Variants in PARD3B observed in about 807,000 individuals in gnomAD.
PARD3B encodes the protein partitioning defective 3 homolog B.
In PARD3B, 103 loss-of-function variants were observed where a neutral mutation model predicts 130.2. The ratio of observed to expected loss-of-function variants is 0.79; its 90% CI spans 0.67 to 0.93. PARD3B has a LOEUF of 0.93. PARD3B is among the 40% of genes least tolerant of loss of function. The pLI, the probability that PARD3B is intolerant of heterozygous loss-of-function variation, is 0.00. For missense variants in PARD3B, 1,609 were observed against 1,499.2 expected (o/e 1.07, Z -1.21); for synonymous variants, 583 against 553.2 (o/e 1.05, Z -0.76).
At chr2:204,826,308 A>C (rs1379714589) in intron 2 of PARD3B, among the ~76,000 whole-genome samples, 1 of 152,158 alleles carries the variant, frequency 6.6e-6, no homozygotes, top group African/African-American at 2.4e-5. Flanking sequence ...TTTGGGACTT[A>C]ATACTCAGAG....
intron 22 of PARD3B, among the ~76,000 whole-genome samples, chr2:205,615,206 G>T (rs960812852): frequency 6.6e-6 from 1 of 152,182 alleles, no homozygotes; most frequent in Non-Finnish European, 1.5e-5. Flanking sequence ...CCTTCTTGTT[G>T]CTCTGCCTCC....
chr2:204,841,527 G>T (rs1022546898), intron 2 of PARD3B, among the ~76,000 whole-genome samples: 6 of 152,104 alleles, frequency 3.9e-5, no homozygotes, highest in Admixed American at 3.9e-4. Context: ...GGATGTTACT[G>T]TCAGTGCCTG....
rs537989758 is a variant in PARD3B, at chr2:205,281,225, G to A, written c.2186-19305G>A. Among the ~76,000 whole-genome samples the A allele has an allele frequency of 6.6e-6, 1 of 152,170 alleles. No homozygotes were observed. Among genetic ancestry groups the A allele is most frequent in the Non-Finnish European group, 1.5e-5 (1 of 68,030 alleles). ...GACAGGTGCAAGAAAGAAGGGGCAG[G>A]TCTAAAGACAAAAGGGTTGGGGATG... is the stretch of plus-strand genomic sequence containing the variant. On this transcript the variant is annotated intron_variant, in intron 16 of 22. Coordinates refer to ENST00000406610, the MANE Select transcript of PARD3B (RefSeq NM_001302769.2). The surrounding 1 kb of genome is among the most constrained non-coding windows in gnomAD (Gnocchi z 4.2).
At chr2:205,580,102 A>C (rs1332419184) in intron 22 of PARD3B, among the ~76,000 whole-genome samples, 1 of 152,208 alleles carries the variant, frequency 6.6e-6, no homozygotes, top group Non-Finnish European at 1.5e-5. Flanking sequence ...TACTGGAAGA[A>C]ATATTTCTTA....
intron 2 of PARD3B, among the ~76,000 whole-genome samples, chr2:204,894,711 G>A (rs1313085983): frequency 6.6e-6 from 1 of 152,070 alleles, no homozygotes. Flanking sequence ...CCTGGGCTGA[G>A]TTGTTGGTGT....
At chr2:205,431,865 C>T (rs1357011734) in intron 19 of PARD3B, among the ~76,000 whole-genome samples, 24 of 152,086 alleles carry the variant, frequency 1.6e-4, no homozygotes, top group Non-Finnish European at 2.9e-5. Flanking sequence ...CAACAGAATT[C>T]AATAATTCAA....
Position 205,553,370 on chromosome 2 carries a change from A to C in PARD3B, c.3227A>C (p.Glu1076Ala). Residue 1076 changes from glutamate to alanine, a missense_variant, in exon 22 of 23, where the codon GAA (glutamate) becomes GCA (alanine). Glu to Ala is a moderately radical substitution (Grantham distance 107). Transcript: ENST00000406610. Reference sequence around the variant, plus strand: ...GGGAATGCACACAACCTCCGCTTTGAAGGGATGGAGAGGCAGTACGCATCC... The same window carrying C: ...GGGAATGCACACAACCTCCGCTTTGCAGGGATGGAGAGGCAGTACGCATCC... The part of the protein sequence containing the change: ...PDGNAHNLRF[E>A]GMERQYASLP... The C allele has an allele frequency of 6.2e-7, 1 of 1,614,082 alleles. No individual in the cohort carries two copies. The highest frequency in any genetic ancestry group is 8.5e-7 in the Non-Finnish European group (1 of 1,179,956).
chr2:205,347,204 T>G (rs2043826010), intron 18 of PARD3B, among the ~76,000 whole-genome samples: 1 of 152,202 alleles, frequency 6.6e-6, no homozygotes, highest in Non-Finnish European at 1.5e-5. Flanking sequence ...AATCATTGGT[T>G]CAGAAATGAA....
intron 2 of PARD3B, among the ~76,000 whole-genome samples, chr2:204,845,807 T>A (rs904718721): frequency 1.3e-5 from 2 of 152,118 alleles, no homozygotes; most frequent in African/African-American, 4.8e-5. Context: ...TTAAAAGTCA[T>A]TTTTCCCTAA....
intron 1 of PARD3B, among the ~76,000 whole-genome samples, chr2:204,628,465 A>G (rs1574577452): frequency 6.6e-6 from 1 of 152,144 alleles, no homozygotes; most frequent in East Asian, 1.9e-4. Flanking sequence ...ACAGGAAAAT[A>G]GCTCTTTTCA....
chr2:205,452,497 A>T (rs77195962), intron 20 of PARD3B, among the ~76,000 whole-genome samples: 1 of 152,344 alleles, frequency 6.6e-6, no homozygotes, highest in East Asian at 1.9e-4. Flanking sequence ...GAGTTAACTC[A>T]TCAATTGAAC....
At chr2:205,472,507 T>C (rs1166036108) in intron 20 of PARD3B, among the ~76,000 whole-genome samples, 1 of 152,212 alleles carries the variant, frequency 6.6e-6, no homozygotes, top group Non-Finnish European at 1.5e-5. Context: ...TATGCAATGA[T>C]ATATAACATA....
intron 18 of PARD3B, among the ~76,000 whole-genome samples, chr2:205,319,968 C>T (rs979545229): frequency 2.0e-5 from 3 of 151,928 alleles, no homozygotes; most frequent in Non-Finnish European, 2.9e-5. Flanking sequence ...CATTTGAGGT[C>T]AGGAGTTCAA....
intron 10 of PARD3B, among the ~76,000 whole-genome samples, chr2:205,134,099 A>G (rs1441020571): frequency 6.6e-6 from 1 of 151,944 alleles, no homozygotes; most frequent in Admixed American, 6.6e-5. Flanking sequence ...CAAGTTAGAG[A>G]TATCACAGAT....
At chr2:204,635,864 AT>A (rs1225120237) in intron 1 of PARD3B, among the ~76,000 whole-genome samples, 1 of 152,218 alleles carries the variant, frequency 6.6e-6, no homozygotes, top group Admixed American at 6.5e-5. Flanking sequence ...TTATTAAAAA[AT>A]AATGTGATAG....
chr2:205,154,010 C>G (rs576621854), intron 10 of PARD3B, among the ~76,000 whole-genome samples: 1 of 152,162 alleles, frequency 6.6e-6, no homozygotes, highest in East Asian at 1.9e-4. Flanking sequence ...AATAAAACAC[C>G]AAAAGCAATG....
At chr2:205,171,551 T>G (rs1023333042) in intron 11 of PARD3B, among the ~76,000 whole-genome samples, 1 of 152,222 alleles carries the variant, frequency 6.6e-6, no homozygotes, top group Non-Finnish European at 1.5e-5. Flanking sequence ...AAGTACTCAT[T>G]CATCAGAGCC....
At chr2:204,958,373 G>A (rs1218900242) in intron 2 of PARD3B, among the ~76,000 whole-genome samples, 1 of 152,316 alleles carries the variant, frequency 6.6e-6, no homozygotes, top group Non-Finnish European at 1.5e-5. Flanking sequence ...ATTGCTTCAA[G>A]TTATGGTTGG....
At chr2:205,581,650 G>A (rs544793742) in intron 22 of PARD3B, among the ~76,000 whole-genome samples, 7 of 151,384 alleles carry the variant, frequency 4.6e-5, no homozygotes, top group Non-Finnish European at 1.0e-4. Flanking sequence ...GCTTGAGGTG[G>A]TGGATACCTC....
Sources: allele counts gnomAD v4.1 joint callset (sites outside exome capture counted in the v4.1 genomes callset), GRCh38; gene constraint gnomAD v4.1.1; non-coding constraint Gnocchi (gnomAD v3.1); transcripts MANE v1.5; gene names NCBI Gene and HGNC (gene_info 2026-07-23, HGNC 2026-07-21).